ADTRP: variants seen among roughly 807,000 people sequenced by gnomAD.
ADTRP encodes the protein androgen-dependent TFPI-regulating protein.
Under a neutral mutation model 27.0 loss-of-function variants are expected in ADTRP, and 20 were observed. The observed-to-expected ratio is 0.74, with a 90% confidence interval of 0.52 to 1.08. The LOEUF is 1.08. Among genes scored for constraint, ADTRP ranks in the 50% least tolerant of loss-of-function variants. The pLI is 0.00. For missense variants in ADTRP, 251 were observed against 275.0 expected (o/e 0.91, Z 0.62); for synonymous variants, 101 against 105.2 (o/e 0.96, Z 0.25).
intron 3 of ADTRP, chr6:11,754,955 C>G: frequency 2.3e-6 from 2 of 878,676 alleles, no homozygotes; most frequent in Non-Finnish European, 2.7e-6. Flanking sequence ...GGGAGTTTGG[C>G]TCTTTCCTTC....
At chr6:11,743,883 C>T (rs1474852012) in intron 3 of ADTRP, among the ~76,000 whole-genome samples, 1 of 152,194 alleles carries the variant, frequency 6.6e-6, no homozygotes, top group Non-Finnish European at 1.5e-5. Context: ...GAATCAACCC[C>T]ACTTCCAGCT....
intron 3 of ADTRP, among the ~76,000 whole-genome samples, chr6:11,763,180 G>T (rs1221135518): frequency 6.6e-6 from 1 of 152,226 alleles, no homozygotes; most frequent in East Asian, 1.9e-4. Flanking sequence ...GAGACACAAT[G>T]TGCTTAGAAC....
At chr6:11,750,247 G>A (rs1181015009) in intron 3 of ADTRP, among the ~76,000 whole-genome samples, 1 of 152,238 alleles carries the variant, frequency 6.6e-6, no homozygotes, top group African/African-American at 2.4e-5. Context: ...GCCTGGGACA[G>A]ACCTGAGAGT....
intron 1 of ADTRP, among the ~76,000 whole-genome samples, chr6:11,768,857 C>T (rs527751949): frequency 5.3e-5 from 8 of 152,088 alleles, no homozygotes; most frequent in Non-Finnish European, 1.0e-4. Context: ...AGGACCACCA[C>T]GAATCTCTGT....
intron 5 of ADTRP, among the ~76,000 whole-genome samples, chr6:11,715,805 GCTTTT>G (rs1261560085): frequency 2.2e-5 from 2 of 89,252 alleles, no homozygotes; most frequent in Non-Finnish European, 4.1e-5. Context: ...ACCATGCCCA[GCTTTT>G]TTTTTTTTTT....
At chr6:11,768,527 A>C in intron 1 of ADTRP, 144 bp from the exon 2 acceptor site, 1 of 1,085,002 alleles carries the variant, frequency 9.2e-7, no homozygotes. Context: ...AGCCAATTCA[A>C]GGGCTGGGCT....
At position 11,735,886 on chromosome 6, in the gene ADTRP, G is replaced by C. The variant is rs545920698; in HGVS notation, c.391-203C>G. On this transcript the variant is annotated intron_variant, in intron 3 of 5. Transcript: ENST00000414691. ...CCAAACTCCTCTGTCTGGCTACCAA[G>C]GACTTTGCAATGTGTCTCACCCTCT... The C allele has an allele frequency of 7.7e-5, 40 of 519,284 alleles. 1 individual carries two copies. Among genetic ancestry groups the C allele is most frequent in the Non-Finnish European group, 1.3e-4 (38 of 288,300 alleles). 32.2% of individuals were successfully genotyped at this position (519,284 alleles called of 1,614,324 possible).
In ADTRP at chr6:11,735,618, C is replaced by A. The variant is rs1262966520; in HGVS notation, c.456G>T (p.Lys152Asn). The A allele has an allele frequency of 1.9e-6, 3 of 1,613,980 alleles. No homozygotes were observed. The highest frequency in any genetic ancestry group is 2.5e-6 in the Non-Finnish European group (3 of 1,180,000). ...CAGCCAGCAAGGTGAGTCCTGTCTT[C>A]TTTGATGGATAGGAGTGAGGCCTGA... The part of the protein sequence containing the change: ...VVLRPHSYPS[K>N]KTGLTLLAAA... Residue 152 changes from lysine (K) to asparagine (N), a missense_variant, in exon 4 of 6, where the codon AAG becomes AAT. Lys to Asn is a moderately conservative substitution (Grantham distance 94). Transcript: ENST00000414691.
rs1405038075 is a variant in ADTRP at position 11,713,854 on chromosome 6, T to C, written c.*624A>G. 2 of 152,180 alleles carry C rather than the reference T, an allele frequency of 1.3e-5. No homozygotes were observed. The highest frequency in any genetic ancestry group is 1.3e-4 in the Admixed American group (2 of 15,274). The allele number at this position is 152,180 out of a possible 1,614,324, so 9.4% of individuals were successfully genotyped here. A position where few individuals can be genotyped will look rare whatever the true frequency, so the allele number is the denominator to read the frequency against. ...TCAATTAATTTGCTATTATCCCAAG[T>C]AGACAGACAACTTCAGTAGTAGCCA... On this transcript the variant is annotated 3_prime_UTR_variant, in exon 6 of 6. Transcript: ENST00000414691.
chr6:11,769,881 T>G (rs9394302), intron 1 of ADTRP: 103,560 of 749,602 alleles, frequency 0.14, 9,460 homozygotes, highest in East Asian at 0.44. Context: ...CTCAAAAATC[T>G]TACTACTCAA....
intron 1 of ADTRP, among the ~76,000 whole-genome samples, chr6:11,769,174 A>G (rs779039161): frequency 1.3e-5 from 2 of 152,198 alleles, no homozygotes; most frequent in African/African-American, 2.4e-5. Flanking sequence ...CTGGTAGGTC[A>G]TGAAGATATG....
chr6:11,734,444 A>T (rs1407523382), intron 4 of ADTRP, among the ~76,000 whole-genome samples: 1 of 152,220 alleles, frequency 6.6e-6, no homozygotes, highest in African/African-American at 2.4e-5. Context: ...AAGGCTTCAG[A>T]GGCTGAAGAA....
chr6:11,726,184 T>C (rs9380487), intron 4 of ADTRP, among the ~76,000 whole-genome samples: 1 of 152,316 alleles, frequency 6.6e-6, no homozygotes, highest in East Asian at 1.9e-4. Flanking sequence ...ACCTAGAATG[T>C]CAGATTCATA....
chr6:11,725,236 A>G (rs210902), intron 4 of ADTRP, among the ~76,000 whole-genome samples: 98,468 of 152,084 alleles, frequency 0.65, 33,352 homozygotes, highest in Non-Finnish European at 0.77. Flanking sequence ...TGAAAAGGCA[A>G]TCCATGGAAT....
intron 3 of ADTRP, among the ~76,000 whole-genome samples, chr6:11,741,025 A>T (rs1762699276): frequency 6.6e-6 from 1 of 152,176 alleles, no homozygotes; most frequent in Admixed American, 6.5e-5. Flanking sequence ...ACTTTCTAGG[A>T]ACTCAAGTGC....
chr6:11,716,429 C>T (rs1026569050), intron 5 of ADTRP, among the ~76,000 whole-genome samples: 1 of 152,126 alleles, frequency 6.6e-6, no homozygotes, highest in Non-Finnish European at 1.5e-5. Context: ...TTAGAGTCCT[C>T]TGTCCAAAAC....
intron 4 of ADTRP, among the ~76,000 whole-genome samples, chr6:11,729,672 G>A (rs1324323904): frequency 6.6e-6 from 1 of 152,114 alleles, no homozygotes; most frequent in Non-Finnish European, 1.5e-5. Flanking sequence ...CTCCAGGCAG[G>A]TGATTCTCAA....
intron 1 of ADTRP, among the ~76,000 whole-genome samples, chr6:11,770,516 A>G (rs993697748): frequency 6.6e-6 from 1 of 151,844 alleles, no homozygotes; most frequent in Non-Finnish European, 1.5e-5. Flanking sequence ...AGGGACAGGA[A>G]GGGAAAGGGA....
chr6:11,758,630 A>G lies in ADTRP; in HGVS notation c.390+7644T>C, dbSNP rs373044995. Among the ~76,000 whole-genome samples, 40 of 147,904 alleles carry G rather than the reference A, an allele frequency of 2.7e-4. No homozygotes were observed. The East Asian group carries it at 6.4e-3, about 24-fold the overall frequency. ...TATACCTAATGCTAAATGACGAGTT[A>G]ATGGGTGCAGCACACCAACATGGCA... On this transcript the variant is annotated intron_variant, in intron 3 of 5. Coordinates refer to ENST00000414691, the MANE Select transcript of ADTRP (RefSeq NM_032744.4).
Sources: gnomAD v4.1 joint callset for allele counts (sites outside exome capture counted in the v4.1 genomes callset) on GRCh38, gnomAD v4.1.1 for gene constraint, MANE v1.5 for transcripts, NCBI Gene and HGNC (gene_info 2026-07-23, HGNC 2026-07-21) for gene names.